The following DBNL variants were observed in gnomAD, a reference collection of about 807,000 sequenced individuals.
DBNL encodes the protein drebrin-like protein.
Under a neutral mutation model 62.2 loss-of-function variants are expected in DBNL, and 35 were observed. That is an observed-to-expected ratio of 0.56 (90% CI 0.43 to 0.75). The LOEUF is 0.75. Among genes scored for constraint, DBNL ranks in the 30% least tolerant of loss-of-function variants. The probability of loss-of-function intolerance (pLI) is 0.00; values close to 1 mark genes in which losing one functional copy is unlikely to be tolerated. For synonymous variants in DBNL, 197 were observed against 218.0 expected, an observed-to-expected ratio of 0.90 and a Z score of 0.85; for missense variants, 495 against 578.4, an observed-to-expected ratio of 0.86 and a Z score of 1.48.
chr7:44,059,699 A>T lies in DBNL; in HGVS notation c.1047+41A>T. On this transcript the variant is annotated intron_variant, in intron 11 of 12. Coordinates refer to ENST00000448521, the MANE Select transcript of DBNL (RefSeq NM_001014436.3). The surrounding 1 kb of genome is among the most constrained non-coding windows in gnomAD (Gnocchi z 4.1). ...GGGGCTGGGGCCAGGAAGGGGCTGC[A>T]TACTCAGGAACACTTATCACGGGCC... 6.5e-7 allele frequency: 1 copy of T among 1,539,696 alleles called. No individual in the cohort carries two copies. The highest frequency in any genetic ancestry group is 2.3e-5 in the East Asian group (1 of 42,740).
Position 44,065,634 on chromosome 7 carries a change from G to A in DBNL, c.*4718G>A, listed in dbSNP as rs1393083589. On this transcript the variant is annotated 3_prime_UTR_variant, in exon 13 of 13. Transcript: ENST00000448521. ...CAGCCCCCACCCACCCCAGCCAACTGCCAATCAGCATTCCAGGCGGTGGCA... is the reference window on the plus strand; with the variant it reads ...CAGCCCCCACCCACCCCAGCCAACTACCAATCAGCATTCCAGGCGGTGGCA... The A allele has an allele frequency of 8.9e-7, 1 of 1,122,484 alleles. No individual in the cohort carries two copies. The highest frequency in any genetic ancestry group is 1.3e-6 in the Non-Finnish European group (1 of 756,570). 69.5% of individuals were successfully genotyped at this position (1,122,484 alleles called of 1,614,324 possible).
intron 1 of DBNL, among the ~76,000 whole-genome samples, chr7:44,045,323 G>A (rs2096115180): frequency 6.6e-6 from 1 of 152,242 alleles, no homozygotes; most frequent in African/African-American, 2.4e-5. Context: ...GGGGGCTTCA[G>A]ACGAGGAGCT....
chr7:44,050,231 C>A lies in DBNL; in HGVS notation c.90C>A (p.Leu30=). ...CACTTGTGTTTCGTTTCAGGGCTCT[C>A]TTTACCTATGAAGGCAACAGCAATG... The part of the protein sequence containing the change: ...VTEKSPTDWA[L]FTYEGNSNDI... Residue 30 remains leucine, a synonymous_variant, in exon 2 of 13, where the codon CTC becomes CTA. Transcript: ENST00000448521. The A allele has an allele frequency of 6.2e-7, 1 of 1,613,726 alleles. No homozygotes were observed. The highest frequency in any genetic ancestry group is 8.5e-7 in the Non-Finnish European group (1 of 1,179,718).
intron 1 of DBNL, among the ~76,000 whole-genome samples, chr7:44,047,053 G>A (rs979129982): frequency 4.6e-5 from 7 of 152,180 alleles, no homozygotes; most frequent in East Asian, 1.9e-4. Flanking sequence ...TCTTGGCCCC[G>A]AGGTTGCCTT....
At chr7:44,058,543 C>T (rs11773481) in intron 8 of DBNL, 63 bp downstream of exon 8, 198,156 of 1,590,702 alleles carry the variant, frequency 0.12, 13,548 homozygotes, top group Admixed American at 0.2. Flanking sequence ...TCCCTGATCT[C>T]GGATTGAGGG....
chr7:44,052,974 C>T (rs368921806), intron 4 of DBNL, 33 bp downstream of exon 4: 2 of 1,601,104 alleles, frequency 1.2e-6, no homozygotes, highest in African/African-American at 1.3e-5. Context: ...TCACTGGGAA[C>T]AGGCCTCACA....
In DBNL at chr7:44,067,798, C is replaced by G. The variant is rs2096162656; in HGVS notation, c.*6882C>G. The G allele has an allele frequency of 6.6e-6, 1 of 152,196 alleles. No homozygotes were observed. The highest frequency in any genetic ancestry group is 1.9e-4 in the East Asian group (1 of 5,190). The allele number at this position is 152,196 out of a possible 1,614,324, so 9.4% of individuals were successfully genotyped here. A position where few individuals can be genotyped will look rare whatever the true frequency, so the allele number is the denominator to read the frequency against. On this transcript the variant is annotated 3_prime_UTR_variant, in exon 13 of 13. Coordinates refer to ENST00000448521, the MANE Select transcript of DBNL (RefSeq NM_001014436.3). ...CCCACTGACAGCCACCAATCCTGGA[C>G]AGATGCAGGAGCAGCTGTCAGTAGA...
In DBNL at chr7:44,059,411, G is replaced by A. The variant is rs530120610; in HGVS notation, c.893G>A (p.Gly298Asp). Residue 298 changes from glycine (G) to aspartate (D), a missense_variant, in exon 10 of 13, where the codon GGC becomes GAC. By Grantham distance (94) the Gly-to-Asp change is moderately conservative. Transcript: ENST00000448521. The surrounding 1 kb of genome is among the most constrained non-coding windows in gnomAD (Gnocchi z 4.1). The part of the protein sequence containing the change: ...KQLTQPETHF[G>D]REPAAAISRP... Reference sequence around the variant, plus strand: ...CTCACCCAACCAGAGACCCACTTTGGCAGAGAGCCAGCTGCTGCCATCTCA... The same window carrying A: ...CTCACCCAACCAGAGACCCACTTTGACAGAGAGCCAGCTGCTGCCATCTCA... 6.2e-7 allele frequency: 1 copy of A among 1,614,116 alleles called. No homozygotes were observed. The highest frequency in any genetic ancestry group is 1.7e-5 in the Admixed American group (1 of 60,026).
At position 44,069,380 on chromosome 7, in the gene DBNL, G is replaced by A. The variant is rs1174657420; in HGVS notation, c.*8464G>A. 1 of 152,226 alleles carries A rather than the reference G, an allele frequency of 6.6e-6. No individual in the cohort carries two copies. Among genetic ancestry groups the A allele is most frequent in the Non-Finnish European group, 1.5e-5 (1 of 68,052 alleles). The allele number at this position is 152,226 out of a possible 1,614,324, so 9.4% of individuals were successfully genotyped here. On this transcript the variant is annotated 3_prime_UTR_variant, in exon 13 of 13. Coordinates refer to ENST00000448521, the MANE Select transcript of DBNL (RefSeq NM_001014436.3). ...GGTGAAGGGACCTAGATGGTAGTGA[G>A]GTTTCTACATGCTACTTGAAATGGC...
chr7:44,065,189 A>C lies in DBNL; in HGVS notation c.*4273A>C, dbSNP rs61756062. ...CGGGATGTCGAAGGAGCGCCTCCAG[A>C]TCTTCACCTGCTCCTCCCCGTGCTT... is the stretch of plus-strand genomic sequence containing the variant. On this transcript the variant is annotated 3_prime_UTR_variant, in exon 13 of 13. Coordinates refer to ENST00000448521, the MANE Select transcript of DBNL (RefSeq NM_001014436.3). The C allele has an allele frequency of 0.016, 25,708 of 1,613,994 alleles. 827 individuals are homozygous for C. The highest frequency in any genetic ancestry group is 0.096 in the South Asian group (8,760 of 91,078).
Position 44,063,128 on chromosome 7 carries a change from C to A in DBNL, c.*2212C>A. ...GACCAAGCAGCCTACAGAAATAGCC[C>A]AGTGGTGAAAAAAATGGGGACTTCA... On this transcript the variant is annotated 3_prime_UTR_variant, in exon 13 of 13. Coordinates refer to ENST00000448521, the MANE Select transcript of DBNL (RefSeq NM_001014436.3). 1 of 618,428 alleles carries A rather than the reference C, an allele frequency of 1.6e-6. No homozygotes were observed. The highest frequency in any genetic ancestry group is 1.8e-5 in the South Asian group (1 of 54,982). 38.3% of individuals were successfully genotyped at this position (618,428 alleles called of 1,614,324 possible).
chr7:44,062,979 T>C lies in DBNL; in HGVS notation c.*2063T>C, dbSNP rs1466474497. 1 of 1,591,866 alleles carries C rather than the reference T, an allele frequency of 6.3e-7. No individual in the cohort carries two copies. On this transcript the variant is annotated 3_prime_UTR_variant, in exon 13 of 13. Transcript: ENST00000448521. Reference sequence around the variant, plus strand: ...CTTAGCCCCTCTGTCCCCAGCCTGTTTACACAGCAGACACTATGTGACCTT... The same window carrying C: ...CTTAGCCCCTCTGTCCCCAGCCTGTCTACACAGCAGACACTATGTGACCTT...
Position 44,062,443 on chromosome 7 carries a change from CACTTGGCCTCTTCT to C in DBNL, c.*1529_*1542del, listed in dbSNP as rs1218888539. 3 of 390,698 alleles carry C rather than the reference CACTTGGCCTCTTCT, an allele frequency of 7.7e-6. No individual in the cohort carries two copies. The highest frequency in any genetic ancestry group is 9.8e-6 in the Non-Finnish European group (2 of 204,366). The allele number at this position is 390,698 out of a possible 1,614,324, so 24.2% of individuals were successfully genotyped here. Reference sequence around the variant, plus strand: ...TTGCTCCCCATGGGGAGAGCTGGGTCACTTGGCCTCTTCTAACTGGCCCCAAGCACGCCAATTCT... The same window carrying C: ...TTGCTCCCCATGGGGAGAGCTGGGTCAACTGGCCCCAAGCACGCCAATTCT... On this transcript the variant is annotated 3_prime_UTR_variant, in exon 13 of 13. Coordinates refer to ENST00000448521, the MANE Select transcript of DBNL (RefSeq NM_001014436.3).
intron 2 of DBNL, 103 bp downstream of exon 2, chr7:44,050,383 T>A (rs1046487023): frequency 2.0e-5 from 25 of 1,261,610 alleles, no homozygotes; most frequent in Non-Finnish European, 2.8e-5. Context: ...CACATGGGGC[T>A]TCCAGTGCTC....
In DBNL at chr7:44,053,720, A is replaced by C. The variant is rs1383940418; in HGVS notation, c.327+779A>C. On this transcript the variant is annotated intron_variant, in intron 4 of 12. Coordinates refer to ENST00000448521, the MANE Select transcript of DBNL (RefSeq NM_001014436.3). ...GAGACTGAGTCTCGCTCCGTTGCCC[A>C]GGCTGGAGTGCAGTGGCGTGATCTT... 1.0e-4 allele frequency among the ~76,000 whole-genome samples: 15 copies of C among 146,624 alleles called. No homozygotes were observed. In the East Asian group the frequency reaches 2.6e-3, roughly 25 times the overall value.
Position 44,059,998 on chromosome 7 carries a change from T to C in DBNL, c.1048-50T>C, listed in dbSNP as rs767301398. On this transcript the variant is annotated intron_variant, in intron 11 of 12. Coordinates refer to ENST00000448521, the MANE Select transcript of DBNL (RefSeq NM_001014436.3). The surrounding 1 kb of genome is among the most constrained non-coding windows in gnomAD (Gnocchi z 4.1). ...TGAGCCATGTGGGGCAGAGCAGCGA[T>C]TGTGTGTAAGGGCTGAGTCTGGGGT... The C allele has an allele frequency of 6.4e-7, 1 of 1,564,310 alleles. No homozygotes were observed.
Position 44,065,007 on chromosome 7 carries a change from A to G in DBNL, c.*4091A>G, listed in dbSNP as rs1421129649. The G allele has an allele frequency of 6.2e-7, 1 of 1,606,340 alleles. No individual in the cohort carries two copies. The highest frequency in any genetic ancestry group is 2.2e-5 in the East Asian group (1 of 44,842). On this transcript the variant is annotated 3_prime_UTR_variant, in exon 13 of 13. Coordinates refer to ENST00000448521, the MANE Select transcript of DBNL (RefSeq NM_001014436.3). ...CCCCGGGCTTCAGGCCTGCGTACCG[A>G]CGCTCCTGGGGGACACAGGCACGCT...
intron 4 of DBNL, among the ~76,000 whole-genome samples, chr7:44,055,441 G>C (rs1278906715): frequency 6.6e-6 from 1 of 152,174 alleles, no homozygotes; most frequent in African/African-American, 2.4e-5. Context: ...ACTCCAGCCT[G>C]GGCAACAGAG....
At position 44,060,800 on chromosome 7, in the gene DBNL, G is replaced by A. The variant is rs780534636; in HGVS notation, c.1177G>A (p.Asp393Asn). 1.9e-6 allele frequency: 3 copies of A among 1,614,026 alleles called. No individual in the cohort carries two copies. The highest frequency in any genetic ancestry group is 2.5e-6 in the Non-Finnish European group (3 of 1,179,958). Residue 393 changes from aspartate (D) to asparagine (N), a missense_variant, in exon 13 of 13, where the codon GAC (aspartate) becomes AAC (asparagine). Transcript: ENST00000448521. The surrounding 1 kb of genome is among the most constrained non-coding windows in gnomAD (Gnocchi z 6.3). ...AGCCGACGACACAGAGATCTCCTTT[G>A]ACCCCGAGAACCTCATCACGGGCAT... ...QAADDTEISF[D>N]PENLITGIEV...
Sources: allele counts gnomAD v4.1 joint callset (sites outside exome capture counted in the v4.1 genomes callset), GRCh38; gene constraint gnomAD v4.1.1; non-coding constraint Gnocchi (gnomAD v3.1); transcripts MANE v1.5; gene names NCBI Gene and HGNC (gene_info 2026-07-23, HGNC 2026-07-21).